The following TMEM114 variants were observed in gnomAD, a reference collection of about 807,000 sequenced individuals.
The protein encoded by TMEM114 is transmembrane protein 114.
Under a neutral mutation model 6.2 loss-of-function variants are expected in TMEM114, and 6 were observed. That is an observed-to-expected ratio of 0.97 (90% CI 0.53 to 1.91). TMEM114 has a LOEUF of 1.91. TMEM114 is among the 40% of genes most tolerant of loss of function. The probability of loss-of-function intolerance (pLI) is 0.01; values close to 1 mark genes in which losing one functional copy is unlikely to be tolerated. For missense variants in TMEM114, 218 were observed against 158.3 expected, an observed-to-expected ratio of 1.38 and a Z score of -2.02; for synonymous variants, 104 against 73.0, an observed-to-expected ratio of 1.42 and a Z score of -2.16.
the TMEM114 span, among the ~76,000 whole-genome samples, chr16:8,532,400 C>G: frequency 1.3e-5 from 2 of 152,100 alleles, no homozygotes; most frequent in Non-Finnish European, 2.9e-5. Context: ...AACACTAAAA[C>G]TTCTAGGACT....
rs540335187 is a variant in TMEM114, at chr16:8,538,194, A to G, written n.213-368T>C. Among the ~76,000 whole-genome samples, 2 of 150,686 alleles carry G rather than the reference A, an allele frequency of 1.3e-5. 1 individual carries two copies. The highest frequency in any genetic ancestry group is 3.9e-4 in the East Asian group (2 of 5,142). On this transcript the variant is annotated intron_variant and non_coding_transcript_variant, in intron 2 of 2. Transcript: ENST00000623677. Reference sequence around the variant, plus strand: ...GTGGTGCCTGCTTGTAGTCCCAGCTACTCAGGAGGCTGAAGTAGGAGGATC... The same window carrying G: ...GTGGTGCCTGCTTGTAGTCCCAGCTGCTCAGGAGGCTGAAGTAGGAGGATC...
At chr16:8,546,041 G>A (rs1444263177) in intron 2 of TMEM114, among the ~76,000 whole-genome samples, 2 of 152,156 alleles carry the variant, frequency 1.3e-5, no homozygotes, top group African/African-American at 2.4e-5. Context: ...CTTGAGCCCA[G>A]AAGATGGAAG....
chr16:8,582,060 C>G (rs1902170568), intron 2 of TMEM114, among the ~76,000 whole-genome samples: 1 of 152,172 alleles, frequency 6.6e-6, no homozygotes, highest in Non-Finnish European at 1.5e-5. Context: ...TTTAATTGTC[C>G]ATGTCACTGC....
chr16:8,546,776 C>G (rs1038760907), intron 2 of TMEM114, among the ~76,000 whole-genome samples: 4 of 152,216 alleles, frequency 2.6e-5, no homozygotes, highest in African/African-American at 9.6e-5. Flanking sequence ...TCAGAGCACA[C>G]CAAGTCTTCT....
chr16:8,588,414 A>G (rs1196346923), intron 2 of TMEM114, among the ~76,000 whole-genome samples: 1 of 152,204 alleles, frequency 6.6e-6, no homozygotes, highest in Non-Finnish European at 1.5e-5. Context: ...AAATGACGAT[A>G]CTAATAACTT....
In TMEM114 at chr16:8,569,644, G is replaced by A; in HGVS notation, c.*129C>T. On this transcript the variant is annotated 3_prime_UTR_variant, in exon 4 of 4. Coordinates refer to ENST00000620492, the MANE Select transcript of TMEM114 (RefSeq NM_001146336.2). ...CAAGCTTAGTCCGCGGGGATTTGTG[G>A]GGGAAGGAGGGGGGTGCCTGGCCTC... 2.8e-6 allele frequency: 4 copies of A among 1,439,236 alleles called. No homozygotes were observed. The highest frequency in any genetic ancestry group is 1.5e-5 in the South Asian group (1 of 67,532). 89.2% of individuals were successfully genotyped at this position (1,439,236 alleles called of 1,614,324 possible). A position where few individuals can be genotyped will look rare whatever the true frequency, so the allele number is the denominator to read the frequency against.
chr16:8,569,394 C>T, downstream of TMEM114: 3 of 1,019,734 alleles, frequency 2.9e-6, no homozygotes, highest in South Asian at 3.8e-5. Flanking sequence ...GGTAGGGCAC[C>T]CTCTCCCTTT....
intron 2 of TMEM114, among the ~76,000 whole-genome samples, chr16:8,579,883 G>A (rs1333345354): frequency 6.6e-6 from 1 of 152,186 alleles, no homozygotes; most frequent in Non-Finnish European, 1.5e-5. Context: ...CTGCAGACAT[G>A]GACACGTACT....
chr16:8,557,309 A>G (rs560183500), intron 2 of TMEM114, among the ~76,000 whole-genome samples: 3 of 152,240 alleles, frequency 2.0e-5, no homozygotes, highest in Admixed American at 6.5e-5. Flanking sequence ...AGGAACTGCC[A>G]TATAAGCCTC....
chr16:8,550,685 CA>C (rs1218385833), intron 2 of TMEM114, among the ~76,000 whole-genome samples: 36 of 42,578 alleles, frequency 8.5e-4, no homozygotes, highest in African/African-American at 1.2e-3. Context: ...TCAAAAAAAA[CA>C]AAAAAAAAAA....
chr16:8,572,169 A>C lies in TMEM114; in HGVS notation c.357T>G (p.Phe119Leu). 6.4e-7 allele frequency: 1 copy of C among 1,551,512 alleles called. No individual in the cohort carries two copies. Among genetic ancestry groups the C allele is most frequent in the Non-Finnish European group, 8.7e-7 (1 of 1,146,916 alleles). ...LLPLSLILMV[F>L]GGMTGFLSFL... ...AGCTCAGAAACCCCGTCATCCCCCC[A>C]AAAACCATCAGGATCAGGCTGAGCG... is the stretch of plus-strand genomic sequence containing the variant. Residue 119 changes from phenylalanine to leucine, a missense_variant, in exon 3 of 4, where the codon TTT becomes TTG. Transcript: ENST00000620492.
At chr16:8,545,836 C>G (rs1900649620) in intron 2 of TMEM114, among the ~76,000 whole-genome samples, 1 of 152,124 alleles carries the variant, frequency 6.6e-6, no homozygotes. Flanking sequence ...AATGCTCAGC[C>G]AGGCATGGTG....
chr16:8,551,699 A>T (rs1478753019), intron 2 of TMEM114, among the ~76,000 whole-genome samples: 1 of 152,236 alleles, frequency 6.6e-6, no homozygotes, highest in Non-Finnish European at 1.5e-5. Flanking sequence ...CGCAATTGAT[A>T]TTATGAGAGC....
intron 2 of TMEM114, among the ~76,000 whole-genome samples, chr16:8,585,597 A>G (rs577687312): frequency 4.5e-4 from 68 of 152,174 alleles, no homozygotes; most frequent in African/African-American, 1.5e-3. Flanking sequence ...CCAAACTCAA[A>G]ATTCATTTTG....
At position 8,550,003 on chromosome 16, in the gene TMEM114, C is replaced by T. The variant is rs1338777565; in HGVS notation, n.213-12177G>A. Among the ~76,000 whole-genome samples, 4 of 152,122 alleles carry T rather than the reference C, an allele frequency of 2.6e-5. No homozygotes were observed. The South Asian group carries it at 6.2e-4, about 24-fold the overall frequency. On this transcript the variant is annotated intron_variant and non_coding_transcript_variant, in intron 2 of 2. Transcript: ENST00000623677. ...GCAGCCTTCAGTCTGTAGCCAAAGG[C>T]CCAAGATCCCCTGGCAAACCACTGG...
chr16:8,587,113 C>T (rs954917072), intron 2 of TMEM114, among the ~76,000 whole-genome samples: 6 of 152,114 alleles, frequency 3.9e-5, no homozygotes, highest in Admixed American at 2.0e-4. Flanking sequence ...ATGCTACAAA[C>T]CAGGGCTTTT....
chr16:8,568,164 C>T (rs62020626), downstream of TMEM114, among the ~76,000 whole-genome samples: 13,773 of 152,200 alleles, frequency 0.09, 764 homozygotes, highest in Middle Eastern at 0.19. Context: ...CTCATCTGTA[C>T]CCTGCTTTGC....
chr16:8,541,407 A>G (rs914041394), intron 2 of TMEM114, among the ~76,000 whole-genome samples: 17 of 152,056 alleles, frequency 1.1e-4, no homozygotes, highest in Non-Finnish European at 2.5e-4. Flanking sequence ...CTACTGGATA[A>G]TATCTCAGGA....
In TMEM114 at chr16:8,540,219, C is replaced by T. The variant is rs139720125; in HGVS notation, n.213-2393G>A. On this transcript the variant is annotated intron_variant and non_coding_transcript_variant, in intron 2 of 2. Coordinates refer to the TMEM114 transcript ENST00000623677. ...CAAATTGCTATAAATATATATATAG[C>T]ACTTGGCTAGAGATTAAGGATACAG... Among the ~76,000 whole-genome samples the T allele has an allele frequency of 6.0e-4, 92 of 152,226 alleles. 1 individual carries two copies. The highest frequency in any genetic ancestry group is 2.5e-3 in the Admixed American group (38 of 15,296).
Sources: gnomAD v4.1 joint callset for allele counts (sites outside exome capture counted in the v4.1 genomes callset) on GRCh38, gnomAD v4.1.1 for gene constraint, MANE v1.5 for transcripts, NCBI Gene and HGNC (gene_info 2026-07-23, HGNC 2026-07-21) for gene names.